Variants in PPHLN1 observed in about 807,000 individuals in gnomAD.
PPHLN1 encodes periphilin-1.
In PPHLN1, 29 loss-of-function variants were observed where a neutral mutation model predicts 51.3. The ratio of observed to expected loss-of-function variants is 0.57; its 90% CI spans 0.42 to 0.77. PPHLN1 has a LOEUF of 0.77. Ranked by LOEUF, PPHLN1 falls within the 30% of genes least tolerant of loss-of-function variation. The pLI, the probability that PPHLN1 is intolerant of heterozygous loss-of-function variation, is 0.00. For missense variants in PPHLN1, 436 were observed against 438.4 expected, an observed-to-expected ratio of 0.99 and a Z score of 0.05; for synonymous variants, 147 against 147.8, an observed-to-expected ratio of 0.99 and a Z score of 0.04.
chr12:42,416,618 A>T (rs1430096005), intron 9 of PPHLN1, among the ~76,000 whole-genome samples: 2 of 152,194 alleles, frequency 1.3e-5, no homozygotes, highest in African/African-American at 4.8e-5. Context: ...TTATGAATAC[A>T]GTTTTATTAT....
At chr12:42,359,155 A>G (rs2074355366) in intron 4 of PPHLN1, 1 of 152,164 alleles carries the variant, frequency 6.6e-6, no homozygotes, top group Non-Finnish European at 1.5e-5. Context: ...CCTGTACTGT[A>G]ATTTTACTTT....
downstream of PPHLN1, chr12:42,448,088 A>G (rs1233161480): frequency 2.6e-5 from 4 of 152,154 alleles, no homozygotes; most frequent in East Asian, 3.8e-4. Context: ...TTTCCTTACC[A>G]TAAGTATTCT....
At chr12:42,366,224 C>CACT (rs1555193195) in intron 4 of PPHLN1, among the ~76,000 whole-genome samples, 1 of 111,218 alleles carries the variant, frequency 9.0e-6, no homozygotes. Context: ...GTACCGGACA[C>CACT]TTTTTTTTTT....
At chr12:42,353,744 G>C (rs1371048987) in intron 3 of PPHLN1, among the ~76,000 whole-genome samples, 1 of 152,076 alleles carries the variant, frequency 6.6e-6, no homozygotes, top group Non-Finnish European at 1.5e-5. Flanking sequence ...CGTCTCAGTT[G>C]TTACCACTTT....
chr12:42,393,337 A>G (rs937863405), intron 7 of PPHLN1, among the ~76,000 whole-genome samples: 2 of 152,112 alleles, frequency 1.3e-5, no homozygotes, highest in African/African-American at 2.4e-5. Context: ...GAATTTCTAG[A>G]GTCTTATGTA....
intron 5 of PPHLN1, 35 bp downstream of exon 5, chr12:42,375,109 A>G (rs778062368): frequency 4.8e-6 from 7 of 1,460,796 alleles, no homozygotes; most frequent in Non-Finnish European, 5.7e-6. Flanking sequence ...TTTCTCTCAC[A>G]GTCTCCTCTG....
intron 2 of PPHLN1, among the ~76,000 whole-genome samples, chr12:42,340,760 A>T (rs11181437): frequency 0.15 from 22,794 of 152,018 alleles, 1,747 homozygotes; most frequent in Admixed American, 0.2. Flanking sequence ...AAATTTATCC[A>T]TTTGTGATTT....
At chr12:42,389,396 C>CA (rs201952965) in intron 7 of PPHLN1, among the ~76,000 whole-genome samples, 3,114 of 104,148 alleles carry the variant, frequency 0.03, 103 homozygotes, top group East Asian at 0.1. Context: ...AATAAACAAA[C>CA]AAAAAAAAAA....
chr12:42,390,467 A>G (rs1005038130), intron 7 of PPHLN1, among the ~76,000 whole-genome samples: 3 of 152,194 alleles, frequency 2.0e-5, no homozygotes, highest in East Asian at 1.9e-4. Flanking sequence ...ATATACTGCT[A>G]TCTGAATATA....
intron 9 of PPHLN1, among the ~76,000 whole-genome samples, chr12:42,402,195 G>A (rs573884149): frequency 2.0e-5 from 3 of 152,200 alleles, no homozygotes; most frequent in South Asian, 2.1e-4. Flanking sequence ...TTGGGGAAAG[G>A]GATTGATTAT....
chr12:42,363,219 A>G (rs2074897218), intron 4 of PPHLN1, among the ~76,000 whole-genome samples: 1 of 152,148 alleles, frequency 6.6e-6, no homozygotes, highest in Admixed American at 6.5e-5. Flanking sequence ...CAGACCTGAC[A>G]CCAGTATCAT....
downstream of PPHLN1, chr12:42,442,717 C>T (rs150439994): frequency 1.8e-4 from 283 of 1,613,880 alleles, 1 homozygote; most frequent in African/African-American, 3.0e-3. Flanking sequence ...CCCCCGAAAA[C>T]GAAGGCGAAG....
At chr12:42,446,357 T>A, downstream of PPHLN1, 2 of 1,507,614 alleles carry the variant, frequency 1.3e-6, no homozygotes, top group South Asian at 2.7e-5. Flanking sequence ...TTAAGCCCAT[T>A]TTCTAAATCT....
At chr12:42,425,246 A>ATTTTTTTT (rs34484756) in intron 9 of PPHLN1, among the ~76,000 whole-genome samples, 5 of 124,830 alleles carry the variant, frequency 4.0e-5, no homozygotes, top group Admixed American at 8.7e-5. Context: ...TGCCTGGCTA[A>ATTTTTTTT]TTTTTTTTTT....
In PPHLN1 at chr12:42,432,956, AT is replaced by A; in HGVS notation, c.910-8357del. The A allele has an allele frequency of 1.7e-5, 24 of 1,452,400 alleles. No homozygotes were observed. In the South Asian group the frequency reaches 2.6e-4, roughly 16 times the overall value. 90.0% of individuals were successfully genotyped at this position (1,452,400 alleles called of 1,614,324 possible). On this transcript the variant is annotated intron_variant, in intron 9 of 9. Transcript: ENST00000358314. The stretch of plus-strand genomic sequence containing the variant: ...CTGTGTTGTTTCTGGATGGTAAAAA[AT>A]TCTGCATGCTCCTACTGCTTTCTTA...
intron 9 of PPHLN1, among the ~76,000 whole-genome samples, chr12:42,409,219 T>C (rs534804560): frequency 7.9e-5 from 12 of 152,210 alleles, no homozygotes; most frequent in African/African-American, 2.9e-4. Flanking sequence ...ATAGTCTTTG[T>C]GAGTGGATTA....
Position 42,406,086 on chromosome 12 carries a change from G to GTTT in PPHLN1, c.909+7105_909+7107dup, listed in dbSNP as rs56927510. Among the ~76,000 whole-genome samples the GTTT allele has an allele frequency of 6.8e-3, 924 of 135,206 alleles. 37 individuals are homozygous for GTTT. The East Asian group carries it at 0.079, about 12-fold the overall frequency. 88.7% of individuals were successfully genotyped at this position (135,206 alleles called of 152,430 possible). A position where few individuals can be genotyped will look rare whatever the true frequency, so the allele number is the denominator to read the frequency against. On this transcript the variant is annotated intron_variant, in intron 9 of 9. Transcript: ENST00000358314. ...ATTCTTAACATTATAGTTTAGTCTG[G>GTTT]TTTTTTTTTTTTTTTGAGACAGAGT...
chr12:42,398,871 A>G lies in PPHLN1; in HGVS notation c.786A>G (p.Pro262=), dbSNP rs988083064. The G allele has an allele frequency of 5.6e-6, 9 of 1,613,998 alleles. No homozygotes were observed. The highest frequency in any genetic ancestry group is 5.1e-6 in the Non-Finnish European group (6 of 1,179,932). Residue 262 remains proline (P), a synonymous_variant, in exon 9 of 10, where the codon CCA becomes CCG. Transcript: ENST00000358314. ...ISEYEAGSTA[P]LFTDQPEEPE... is the part of the protein sequence containing the mutation. ...TTTTCAAGGCGGGATCCACAGCACC[A>G]TTGTTTACTGACCAGCCAGAGGAAC...
intron 2 of PPHLN1, among the ~76,000 whole-genome samples, chr12:42,340,591 C>T (rs993452841): frequency 4.0e-4 from 61 of 152,280 alleles, no homozygotes; most frequent in African/African-American, 1.4e-3. Flanking sequence ...GTTTATTCTG[C>T]GTGTTTCATT....
Sources: allele counts gnomAD v4.1 joint callset (sites outside exome capture counted in the v4.1 genomes callset), GRCh38; gene constraint gnomAD v4.1.1; transcripts MANE v1.5; gene names NCBI Gene and HGNC (gene_info 2026-07-23, HGNC 2026-07-21).